The following KCNN3 variants were observed in gnomAD, a reference collection of about 807,000 sequenced individuals.
KCNN3 encodes the protein potassium calcium-activated channel subfamily N member 3, also known as small conductance calcium-activated potassium channel protein 3.
In KCNN3, 16 loss-of-function variants were observed where a neutral mutation model predicts 62.9. That is an observed-to-expected ratio of 0.25 (90% CI 0.17 to 0.39). The LOEUF (loss-of-function observed/expected upper bound fraction) is 0.39, where lower values mean the gene tolerates loss of function less well. Among genes scored for constraint, KCNN3 ranks in the 10% least tolerant of loss-of-function variants. The pLI is 1.00. For missense variants in KCNN3, 599 were observed against 949.4 expected (o/e 0.63, Z 4.85); for synonymous variants, 370 against 389.2 (o/e 0.95, Z 0.58).
intron 6 of KCNN3, among the ~76,000 whole-genome samples, chr1:154,714,411 G>A (rs1700173257): frequency 7.3e-6 from 1 of 137,818 alleles, no homozygotes. Context: ...GTGTTTGTGT[G>A]TGGTGTGTGG....
intron 3 of KCNN3, among the ~76,000 whole-genome samples, chr1:154,733,648 G>T (rs1485852213): frequency 6.6e-6 from 1 of 152,194 alleles, no homozygotes; most frequent in Non-Finnish European, 1.5e-5. Flanking sequence ...GGGAAGCTGT[G>T]GTGGTTGGGG....
At chr1:154,789,436 G>C (rs1031209776) in intron 2 of KCNN3, among the ~76,000 whole-genome samples, 2 of 152,072 alleles carry the variant, frequency 1.3e-5, no homozygotes, top group Admixed American at 6.5e-5. Flanking sequence ...GGCAGGGGGG[G>C]GCATTATGAT....
At chr1:154,733,178 C>T (rs751650708) in intron 3 of KCNN3, 34 bp from the exon 4 acceptor site, 13 of 1,613,380 alleles carry the variant, frequency 8.1e-6, no homozygotes, top group Non-Finnish European at 1.1e-5. Flanking sequence ...AGTCGATGAA[C>T]AGCCATTCCT....
chr1:154,714,849 A>T, intron 6 of KCNN3, 27 bp downstream of exon 6: 1 of 1,612,794 alleles, frequency 6.2e-7, no homozygotes, highest in Non-Finnish European at 8.5e-7. Flanking sequence ...TGGTCATCTG[A>T]TGGCTGAACC....
At chr1:154,771,099 A>G (rs1648539435) in intron 3 of KCNN3, among the ~76,000 whole-genome samples, 1 of 146,888 alleles carries the variant, frequency 6.8e-6, no homozygotes, top group East Asian at 1.9e-4. Context: ...AAATAAATAA[A>G]TAAATAAATA....
At chr1:154,751,120 T>A (rs1220234788) in intron 3 of KCNN3, among the ~76,000 whole-genome samples, 2 of 152,122 alleles carry the variant, frequency 1.3e-5, no homozygotes, top group Admixed American at 1.3e-4. Flanking sequence ...CTCGGCAGAG[T>A]CCAGTCCCAG....
At chr1:154,864,901 T>C (rs758432498) in intron 1 of KCNN3, among the ~76,000 whole-genome samples, 7 of 151,918 alleles carry the variant, frequency 4.6e-5, no homozygotes, top group East Asian at 3.9e-4. Flanking sequence ...GTTGTACAGA[T>C]TGGTGGAAAA....
Position 154,870,025 on chromosome 1 carries a change from A to G in KCNN3, c.-61T>C, listed in dbSNP as rs373860027. 2.6e-6 allele frequency: 4 copies of G among 1,563,344 alleles called. No homozygotes were observed. The highest frequency in any genetic ancestry group is 8.7e-7 in the Non-Finnish European group (1 of 1,147,336). ...CCCACCCCAAAGCCACCCTCGCTCC[A>G]AAGATGTCCTCAAAGAAAGCCAGGC... On this transcript the variant is annotated 5_prime_UTR_variant, in exon 1 of 8. Coordinates refer to ENST00000271915, the MANE Select transcript of KCNN3 (RefSeq NM_002249.6).
chr1:154,764,791 C>T (rs534177189), intron 3 of KCNN3, among the ~76,000 whole-genome samples: 3 of 152,162 alleles, frequency 2.0e-5, no homozygotes, highest in Admixed American at 6.5e-5. Flanking sequence ...TTTGCAACTA[C>T]GCGTAAGTTT....
At chr1:154,790,825 C>T (rs1395054787) in intron 2 of KCNN3, among the ~76,000 whole-genome samples, 1 of 152,104 alleles carries the variant, frequency 6.6e-6, no homozygotes, top group African/African-American at 2.4e-5. Context: ...GAACACATCC[C>T]CCATGTATAT....
intron 1 of KCNN3, among the ~76,000 whole-genome samples, chr1:154,860,030 T>C (rs984441104): frequency 3.9e-5 from 6 of 152,182 alleles, no homozygotes; most frequent in Non-Finnish European, 5.9e-5. Flanking sequence ...GAAACAGATA[T>C]GGCTTCCACA....
intron 2 of KCNN3, among the ~76,000 whole-genome samples, chr1:154,791,286 C>CTTT (rs34318428): frequency 9.5e-5 from 13 of 137,386 alleles, no homozygotes; most frequent in Admixed American, 1.5e-4. Flanking sequence ...TATCATACCA[C>CTTT]TTTTTTTTTT....
chr1:154,767,300 C>T (rs1054265996), intron 3 of KCNN3, among the ~76,000 whole-genome samples: 2 of 152,068 alleles, frequency 1.3e-5, no homozygotes, highest in African/African-American at 4.8e-5. Context: ...AAATAAAAAA[C>T]CTGTTGACAG....
In KCNN3 at chr1:154,825,997, G is replaced by A. The variant is rs548222777; in HGVS notation, c.934-3813C>T. On this transcript the variant is annotated intron_variant, in intron 1 of 7. Coordinates refer to ENST00000271915, the MANE Select transcript of KCNN3 (RefSeq NM_002249.6). ...CGGGAGGCGGAGCTTGCAGTGAGCCGAGACAGTGCCACTGCACTCCAGCCT... is the reference window on the plus strand; with the variant it reads ...CGGGAGGCGGAGCTTGCAGTGAGCCAAGACAGTGCCACTGCACTCCAGCCT... Among the ~76,000 whole-genome samples the A allele has an allele frequency of 2.0e-4, 30 of 149,544 alleles. 1 individual carries two copies. The South Asian group carries it at 5.3e-3, about 27-fold the overall frequency.
intron 1 of KCNN3, among the ~76,000 whole-genome samples, chr1:154,831,221 C>T (rs932769381): frequency 6.6e-6 from 1 of 152,174 alleles, no homozygotes; most frequent in Non-Finnish European, 1.5e-5. Context: ...AAAGCAAGCA[C>T]TTAACAAGTG....
At chr1:154,761,407 G>T (rs1417354054) in intron 3 of KCNN3, among the ~76,000 whole-genome samples, 2 of 151,952 alleles carry the variant, frequency 1.3e-5, no homozygotes, top group Non-Finnish European at 2.9e-5. Context: ...GGCAGAGGTT[G>T]CAGTGAGCCA....
chr1:154,861,311 G>A (rs1050982035), intron 1 of KCNN3, among the ~76,000 whole-genome samples: 8 of 152,058 alleles, frequency 5.3e-5, no homozygotes, highest in Non-Finnish European at 8.8e-5. Context: ...TCAGGTCTTC[G>A]GGGCCTGAGT....
intron 3 of KCNN3, among the ~76,000 whole-genome samples, chr1:154,745,838 A>T (rs1368524926): frequency 6.6e-6 from 1 of 152,210 alleles, no homozygotes; most frequent in Non-Finnish European, 1.5e-5. Context: ...GAAAATGGAG[A>T]AAAATAATAT....
chr1:154,853,197 C>T (rs1652375170), intron 1 of KCNN3, among the ~76,000 whole-genome samples: 1 of 152,000 alleles, frequency 6.6e-6, no homozygotes, highest in East Asian at 1.9e-4. Flanking sequence ...CCATGCTGTC[C>T]TGGCTGGTCT....
Sources: allele counts gnomAD v4.1 joint callset (sites outside exome capture counted in the v4.1 genomes callset), GRCh38; gene constraint gnomAD v4.1.1; transcripts MANE v1.5; gene names NCBI Gene and HGNC (gene_info 2026-07-23, HGNC 2026-07-21).